The following PCDH15 variants were observed in gnomAD, a reference collection of about 807,000 sequenced individuals.
PCDH15 encodes the protein protocadherin-15.
In PCDH15, 129 loss-of-function variants were observed where a neutral mutation model predicts 178.5. That is an observed-to-expected ratio of 0.72 (90% CI 0.63 to 0.84). The LOEUF (loss-of-function observed/expected upper bound fraction) is 0.84, where lower values mean the gene tolerates loss of function less well. Among genes scored for constraint, PCDH15 ranks in the 40% least tolerant of loss-of-function variants. The probability of loss-of-function intolerance (pLI) is 0.00; values close to 1 mark genes in which losing one functional copy is unlikely to be tolerated. For missense variants in PCDH15, 2,230 were observed against 2,099.9 expected (o/e 1.06, Z -1.21); for synonymous variants, 800 against 732.0 (o/e 1.09, Z -1.50).
chr10:53,810,418 T>A, intron 37 of PCDH15, 138 bp downstream of exon 37: 1 of 712,730 alleles, frequency 1.4e-6, no homozygotes, highest in Non-Finnish European at 2.4e-6. Flanking sequence ...CGGTCAGCAC[T>A]GTGAAATTTC....
chr10:53,905,242 C>A (rs1471241967), intron 25 of PCDH15: 4 of 518,352 alleles, frequency 7.7e-6, no homozygotes, highest in Middle Eastern at 6.4e-4. Context: ...TCTAATGTGT[C>A]CTGCATTCTG....
At chr10:53,832,943 T>A (rs997159602) in intron 29 of PCDH15, among the ~76,000 whole-genome samples, 4 of 152,026 alleles carry the variant, frequency 2.6e-5, no homozygotes, top group African/African-American at 4.8e-5. Context: ...TTGCTTTTTT[T>A]AAACAGATAC....
At chr10:53,823,188 AATTTTCTTGCAGACTTC>A (rs769941905) in intron 32 of PCDH15, 1 of 1,614,000 alleles carries the variant, frequency 6.2e-7, no homozygotes, top group East Asian at 2.2e-5. Context: ...TAGAAATGTG[AATTTTCTTGCAGACTTC>A]AGTTTGTTGC....
intron 8 of PCDH15, among the ~76,000 whole-genome samples, chr10:54,282,156 G>C (rs963448221): frequency 6.6e-6 from 1 of 152,012 alleles, no homozygotes; most frequent in Admixed American, 6.6e-5. Flanking sequence ...CGACAGCAGT[G>C]GTTCTCAGTT....
chr10:54,776,090 C>T (rs532215257), intron 1 of PCDH15, among the ~76,000 whole-genome samples: 1 of 152,266 alleles, frequency 6.6e-6, no homozygotes, highest in South Asian at 2.1e-4. Flanking sequence ...ATCCATGTTG[C>T]TGCAAATGAC....
intron 2 of PCDH15, among the ~76,000 whole-genome samples, chr10:54,632,646 T>C (rs1221161340): frequency 6.6e-6 from 1 of 151,998 alleles, no homozygotes; most frequent in African/African-American, 2.4e-5. Context: ...AAAAAGGAAA[T>C]TAAATGTGTT....
At chr10:54,104,232 C>T (rs1434860399) in intron 15 of PCDH15, among the ~76,000 whole-genome samples, 1 of 152,146 alleles carries the variant, frequency 6.6e-6, no homozygotes, top group African/African-American at 2.4e-5. Context: ...ATGGAGAAGC[C>T]ATTTCTTCTG....
intron 3 of PCDH15, among the ~76,000 whole-genome samples, chr10:54,521,089 T>C (rs1335340503): frequency 2.7e-5 from 4 of 148,692 alleles, no homozygotes; most frequent in South Asian, 2.2e-4. Context: ...GGAGGGATAG[T>C]ATTAGGAGAT....
intron 1 of PCDH15, among the ~76,000 whole-genome samples, chr10:54,731,451 T>C (rs1943316623): frequency 6.7e-6 from 1 of 149,288 alleles, no homozygotes. Context: ...TGAAGAGATA[T>C]CTTCACTCCC....
chr10:54,188,739 G>T (rs1309507043), intron 11 of PCDH15, among the ~76,000 whole-genome samples: 2 of 151,842 alleles, frequency 1.3e-5, no homozygotes, highest in African/African-American at 4.8e-5. Flanking sequence ...AGAGTCTACT[G>T]TTTAAACACC....
At position 54,659,181 on chromosome 10, in the gene PCDH15, T is replaced by C. The variant is rs73253053; in HGVS notation, c.91+4991A>G. Among the ~76,000 whole-genome samples the C allele has an allele frequency of 5.4e-3, 822 of 152,268 alleles. 15 individuals are homozygous for C. Among genetic ancestry groups the C allele is most frequent in the African/African-American group, 0.019 (797 of 41,556 alleles). On this transcript the variant is annotated intron_variant, in intron 2 of 37. Coordinates refer to ENST00000644397, the MANE Select transcript of PCDH15 (RefSeq NM_001384140.1). ...AGCTGAAGTATTTAACAACTATTAG[T>C]TATATAATCTGTCTGGTGACAGCAC...
intron 1 of PCDH15, among the ~76,000 whole-genome samples, chr10:54,781,078 C>T (rs1003045015): frequency 6.6e-6 from 1 of 152,054 alleles, no homozygotes; most frequent in Non-Finnish European, 1.5e-5. Flanking sequence ...TAAAAATCAT[C>T]AACAGTTCAC....
chr10:53,856,870 G>A (rs886936069), intron 28 of PCDH15, among the ~76,000 whole-genome samples: 8 of 152,032 alleles, frequency 5.3e-5, no homozygotes, highest in Non-Finnish European at 1.2e-4. Flanking sequence ...AATACTGCAT[G>A]TTATTATTTA....
At chr10:54,227,390 G>A (rs1399366165) in intron 9 of PCDH15, among the ~76,000 whole-genome samples, 1 of 152,090 alleles carries the variant, frequency 6.6e-6, no homozygotes, top group Non-Finnish European at 1.5e-5. Flanking sequence ...TGAGCTCTAT[G>A]TTGGCCCCTT....
At chr10:53,976,486 C>A (rs933455352) in intron 21 of PCDH15, among the ~76,000 whole-genome samples, 1 of 152,162 alleles carries the variant, frequency 6.6e-6, no homozygotes, top group African/African-American at 2.4e-5. Flanking sequence ...TTGCTTTTGT[C>A]TTTGCCTGTA....
intron 37 of PCDH15, chr10:53,809,006 G>T (rs765589050): frequency 1.3e-6 from 2 of 1,577,950 alleles, no homozygotes; most frequent in Non-Finnish European, 1.7e-6. Context: ...TGTTCTTCTT[G>T]TGGCTCCTCT....
At chr10:55,467,814 A>C (rs1412020658) in intron 2 of PCDH15, among the ~76,000 whole-genome samples, 1 of 151,580 alleles carries the variant, frequency 6.6e-6, no homozygotes, top group Non-Finnish European at 1.5e-5. Context: ...AAATACAAAA[A>C]AAATAGCCGG....
At chr10:54,807,874 A>C (rs1345268403) in intron 3 of PCDH15, among the ~76,000 whole-genome samples, 1 of 151,528 alleles carries the variant, frequency 6.6e-6, no homozygotes, top group Non-Finnish European at 1.5e-5. Flanking sequence ...TATAGATTTA[A>C]AATTATCTTC....
chr10:54,257,082 T>TAGATAGATAGATAGAC (rs1564803722), intron 8 of PCDH15, among the ~76,000 whole-genome samples: 1 of 151,848 alleles, frequency 6.6e-6, no homozygotes, highest in African/African-American at 2.4e-5. Context: ...GATAGATAGA[T>TAGATAGATAGATAGAC]AGATAGATAC....
Sources: allele counts gnomAD v4.1 joint callset (sites outside exome capture counted in the v4.1 genomes callset), GRCh38; gene constraint gnomAD v4.1.1; transcripts MANE v1.5; gene names NCBI Gene and HGNC (gene_info 2026-07-23, HGNC 2026-07-21).